Variants in DCDC1 observed in about 807,000 individuals in gnomAD.
The protein encoded by DCDC1 is doublecortin domain-containing protein 1.
Under a neutral mutation model 178.3 loss-of-function variants are expected in DCDC1, and 200 were observed. The observed-to-expected ratio is 1.12, with a 90% CI of 1.00 to 1.26. The LOEUF (loss-of-function observed/expected upper bound fraction) is 1.26, where lower values mean the gene tolerates loss of function less well. Among genes scored for constraint, DCDC1 ranks in the 50% most tolerant of loss-of-function variants. The pLI is 0.00. For synonymous variants in DCDC1, 690 were observed against 604.8 expected, an observed-to-expected ratio of 1.14 and a Z score of -2.07; for missense variants, 1,983 against 1,749.2, an observed-to-expected ratio of 1.13 and a Z score of -2.38.
intron 2 of DCDC1, among the ~76,000 whole-genome samples, chr11:31,334,864 C>T (rs1950192019): frequency 6.6e-6 from 1 of 152,186 alleles, no homozygotes; most frequent in Admixed American, 6.5e-5. Flanking sequence ...GGGTCAGGGA[C>T]CCACTGAGGA....
At chr11:31,327,731 TCAAA>T (rs903434890) in intron 3 of DCDC1, among the ~76,000 whole-genome samples, 3 of 152,038 alleles carry the variant, frequency 2.0e-5, no homozygotes, top group Non-Finnish European at 4.4e-5. Context: ...TCACCTGTAC[TCAAA>T]CATTTTTTTT....
At chr11:31,119,415 A>G (rs948900438) in intron 11 of DCDC1, among the ~76,000 whole-genome samples, 1 of 152,176 alleles carries the variant, frequency 6.6e-6, no homozygotes, top group Non-Finnish European at 1.5e-5. Flanking sequence ...TTGTTTACTC[A>G]AATAATTTAG....
intron 9 of DCDC1, among the ~76,000 whole-genome samples, chr11:31,169,616 G>C (rs184168035): frequency 2.3e-4 from 35 of 152,258 alleles, no homozygotes; most frequent in Non-Finnish European, 4.7e-4. Context: ...AAAAAGGGCA[G>C]TTGAGTTGTT....
intron 1 of DCDC1, among the ~76,000 whole-genome samples, chr11:31,369,007 G>C (rs1413880862): frequency 1.3e-5 from 2 of 152,016 alleles, no homozygotes; most frequent in South Asian, 2.1e-4. Flanking sequence ...CCCATATGCA[G>C]TGCCCCCTAA....
Position 31,110,296 on chromosome 11 carries a change from C to A in DCDC1, c.1551G>T (p.Ser517=). ...TATGGTCAGTTTGAATTGGGCTATC[C>A]GATCCCAAATCTTTTTTACTGATAC... is the stretch of plus-strand genomic sequence containing the variant. ...SVGISKKDLG[S]DSPIQTDHMM... Residue 517 remains serine, a synonymous_variant, in exon 12 of 39, where the codon TCG becomes TCT. Coordinates refer to ENST00000684477, the MANE Select transcript of DCDC1 (RefSeq NM_001387274.1). 1 of 714,522 alleles carries A rather than the reference C, an allele frequency of 1.4e-6. No homozygotes were observed. The highest frequency in any genetic ancestry group is 2.6e-6 in the Non-Finnish European group (1 of 389,264). The allele number at this position is 714,522 out of a possible 1,614,324, so 44.3% of individuals were successfully genotyped here.
chr11:30,982,123 C>T (rs1011135954), intron 20 of DCDC1, among the ~76,000 whole-genome samples: 19 of 152,102 alleles, frequency 1.2e-4, no homozygotes, highest in East Asian at 1.9e-4. Context: ...CTAGAGGCAG[C>T]GCAAAGAATT....
chr11:31,280,982 A>T, intron 7 of DCDC1: 1 of 617,496 alleles, frequency 1.6e-6, no homozygotes, highest in Non-Finnish European at 3.1e-6. Flanking sequence ...TCTCAACATC[A>T]CCCATATTTA....
chr11:31,163,540 C>T (rs1472003821), intron 9 of DCDC1, among the ~76,000 whole-genome samples: 1 of 152,086 alleles, frequency 6.6e-6, no homozygotes, highest in Admixed American at 6.6e-5. Flanking sequence ...TTTTATTTAG[C>T]TTCTGCAGAG....
intron 16 of DCDC1, among the ~76,000 whole-genome samples, chr11:31,092,689 C>T (rs770236911): frequency 6.6e-6 from 1 of 152,130 alleles, no homozygotes; most frequent in Non-Finnish European, 1.5e-5. Context: ...TCATGAAATT[C>T]TAGAAACAGA....
chr11:31,275,137 G>T (rs1045060366), intron 7 of DCDC1, among the ~76,000 whole-genome samples: 10 of 152,112 alleles, frequency 6.6e-5, no homozygotes, highest in African/African-American at 2.4e-4. Context: ...ATGAATAAAA[G>T]AGTTAATATA....
intron 9 of DCDC1, among the ~76,000 whole-genome samples, chr11:31,206,360 C>T (rs1316440106): frequency 6.6e-6 from 1 of 152,146 alleles, no homozygotes; most frequent in African/African-American, 2.4e-5. Flanking sequence ...CTGAATCTAT[C>T]CAACTCTTAA....
At chr11:30,971,632 C>T (rs542653594) in intron 20 of DCDC1, among the ~76,000 whole-genome samples, 23 of 101,306 alleles carry the variant, frequency 2.3e-4, no homozygotes, top group African/African-American at 6.8e-4. Context: ...TTTTTTGAGA[C>T]GGAGTCTCAC....
intron 34 of DCDC1, among the ~76,000 whole-genome samples, chr11:30,897,582 CAA>C (rs35815662): frequency 0.03 from 2,193 of 72,840 alleles, 23 homozygotes; most frequent in East Asian, 0.1. Flanking sequence ...GACTCCGTCT[CAA>C]AAAAAAAAAA....
intron 20 of DCDC1, among the ~76,000 whole-genome samples, chr11:31,037,411 C>G (rs549578104): frequency 6.7e-6 from 1 of 148,784 alleles, no homozygotes; most frequent in East Asian, 2.0e-4. Flanking sequence ...GAAAAATTGG[C>G]CTGCCTCTAA....
intron 7 of DCDC1, among the ~76,000 whole-genome samples, chr11:31,274,497 C>G (rs1945826308): frequency 6.7e-6 from 1 of 150,276 alleles, no homozygotes; most frequent in Non-Finnish European, 1.5e-5. Context: ...TATCTGGAAA[C>G]AAGTGGAGAA....
At chr11:30,917,052 T>C (rs372292703) in intron 25 of DCDC1, 24 bp from the exon 26 acceptor site, 49 of 1,571,442 alleles carry the variant, frequency 3.1e-5, no homozygotes, top group South Asian at 7.4e-5. Context: ...GAAGCAAACA[T>C]AAGTCTAAGA....
At chr11:30,870,344 G>A (rs1941419448) in intron 38 of DCDC1, among the ~76,000 whole-genome samples, 1 of 152,124 alleles carries the variant, frequency 6.6e-6, no homozygotes, top group Admixed American at 6.6e-5. Flanking sequence ...GGATAACACT[G>A]CTCCATGGGT....
At chr11:31,007,732 C>T (rs1186446482) in intron 20 of DCDC1, among the ~76,000 whole-genome samples, 10 of 149,934 alleles carry the variant, frequency 6.7e-5, no homozygotes, top group East Asian at 2.0e-4. Flanking sequence ...GGTGTGATCT[C>T]GGCTCACTGC....
At chr11:31,176,790 AT>A (rs1968095994) in intron 9 of DCDC1, among the ~76,000 whole-genome samples, 1 of 152,190 alleles carries the variant, frequency 6.6e-6, no homozygotes, top group African/African-American at 2.4e-5. Flanking sequence ...AAAGAATACT[AT>A]ATCCACAAAG....
Sources: gnomAD v4.1 joint callset for allele counts (sites outside exome capture counted in the v4.1 genomes callset) on GRCh38, gnomAD v4.1.1 for gene constraint, MANE v1.5 for transcripts, NCBI Gene and HGNC (gene_info 2026-07-23, HGNC 2026-07-21) for gene names.